The following PARD3B variants were observed in gnomAD, a reference collection of about 807,000 sequenced individuals.
The protein encoded by PARD3B is partitioning defective 3 homolog B.
PARD3B carries 103 observed loss-of-function variants against 130.2 expected under a neutral mutation model. The observed-to-expected ratio is 0.79, with a 90% CI of 0.67 to 0.93. PARD3B has a LOEUF of 0.93. PARD3B is among the 40% of genes least tolerant of loss of function. PARD3B has a pLI of 0.00. For synonymous variants in PARD3B, 583 were observed against 553.2 expected, an observed-to-expected ratio of 1.05 and a Z score of -0.76; for missense variants, 1,609 against 1,499.2, an observed-to-expected ratio of 1.07 and a Z score of -1.21.
At chr2:205,130,981 G>A (rs1161356190) in intron 10 of PARD3B, among the ~76,000 whole-genome samples, 5 of 152,058 alleles carry the variant, frequency 3.3e-5, no homozygotes, top group South Asian at 4.1e-4. Context: ...CTTAGCATGC[G>A]AGATGTGGTT....
At chr2:204,985,271 C>G (rs902658123) in intron 3 of PARD3B, among the ~76,000 whole-genome samples, 1 of 151,968 alleles carries the variant, frequency 6.6e-6, no homozygotes, top group Admixed American at 6.6e-5. Flanking sequence ...CATTAAAGCC[C>G]AAACAACAAA....
chr2:205,139,738 A>T (rs2032792802), intron 10 of PARD3B, among the ~76,000 whole-genome samples: 1 of 152,226 alleles, frequency 6.6e-6, no homozygotes, highest in Non-Finnish European at 1.5e-5. Context: ...TTGTAAAAAA[A>T]AAAACTGAGT....
chr2:205,387,461 T>C (rs1219619119), intron 18 of PARD3B, among the ~76,000 whole-genome samples: 4 of 152,218 alleles, frequency 2.6e-5, no homozygotes, highest in South Asian at 2.1e-4. Flanking sequence ...GGTGGATTTA[T>C]TGTTCTTTTA....
At chr2:205,427,362 A>C (rs2047178052) in intron 19 of PARD3B, among the ~76,000 whole-genome samples, 1 of 152,230 alleles carries the variant, frequency 6.6e-6, no homozygotes, top group Non-Finnish European at 1.5e-5. Flanking sequence ...GAAATACCCA[A>C]ATGTTCGCAA....
chr2:205,004,688 T>C (rs899574719), intron 3 of PARD3B, among the ~76,000 whole-genome samples: 1 of 152,192 alleles, frequency 6.6e-6, no homozygotes, highest in Admixed American at 6.5e-5. Context: ...TAAATTAAGA[T>C]ACATGGGGCA....
chr2:204,570,763 A>G (rs924672848), intron 1 of PARD3B, among the ~76,000 whole-genome samples: 7 of 150,244 alleles, frequency 4.7e-5, no homozygotes, highest in African/African-American at 1.7e-4. Flanking sequence ...TGAGGTGTAT[A>G]AGCTGTTGTA....
chr2:204,593,847 C>T (rs778826587), intron 1 of PARD3B, among the ~76,000 whole-genome samples: 21 of 152,314 alleles, frequency 1.4e-4, no homozygotes, highest in Middle Eastern at 3.4e-3. Flanking sequence ...TTATTAACTA[C>T]GACCAGCATC....
chr2:204,576,427 A>C (rs1331068131), intron 1 of PARD3B, among the ~76,000 whole-genome samples: 1 of 152,190 alleles, frequency 6.6e-6, no homozygotes, highest in South Asian at 2.1e-4. Flanking sequence ...AAATCAATGA[A>C]TACCCATACA....
rs569917054 is a variant in PARD3B, at chr2:205,160,070, T to C, written c.1620+1163T>C. Among the ~76,000 whole-genome samples, 1 of 152,334 alleles carries C rather than the reference T, an allele frequency of 6.6e-6. No homozygotes were observed. The highest frequency in any genetic ancestry group is 1.5e-5 in the Non-Finnish European group (1 of 68,028). ...TGTTGAAGCAACTGTCGTCTCACACTTACCCTTCCACTTTTGTTTCAGACT... is the reference window on the plus strand; with the variant it reads ...TGTTGAAGCAACTGTCGTCTCACACCTACCCTTCCACTTTTGTTTCAGACT... On this transcript the variant is annotated intron_variant, in intron 11 of 22. Transcript: ENST00000406610. This position sits in a 1 kb window ranked among gnomAD's most constrained non-coding sequence, Gnocchi z 4.0.
At chr2:205,555,361 C>T (rs1018260904) in intron 22 of PARD3B, among the ~76,000 whole-genome samples, 1 of 152,190 alleles carries the variant, frequency 6.6e-6, no homozygotes, top group Non-Finnish European at 1.5e-5. Context: ...ATCCTCAGGA[C>T]TCTACTGTTA....
intron 15 of PARD3B, among the ~76,000 whole-genome samples, chr2:205,195,829 T>TAAA (rs146274197): frequency 1.3e-5 from 2 of 150,080 alleles, no homozygotes; most frequent in South Asian, 4.2e-4. Flanking sequence ...GGTTCAAAAT[T>TAAA]TAAAAAAAAA....
At chr2:205,181,201 C>A (rs1297672529) in intron 13 of PARD3B, among the ~76,000 whole-genome samples, 1 of 152,110 alleles carries the variant, frequency 6.6e-6, no homozygotes, top group Non-Finnish European at 1.5e-5. Context: ...CTCTCTGGAT[C>A]CGTATTCCCT....
At chr2:205,112,750 C>T (rs1510769) in intron 5 of PARD3B, among the ~76,000 whole-genome samples, 4,741 of 152,236 alleles carry the variant, frequency 0.031, 235 homozygotes, top group African/African-American at 0.11. Context: ...GTCATACACA[C>T]AATCCATTAA....
At chr2:205,315,304 T>TA (rs2042526657) in intron 18 of PARD3B, among the ~76,000 whole-genome samples, 1 of 152,168 alleles carries the variant, frequency 6.6e-6, no homozygotes, top group Non-Finnish European at 1.5e-5. Context: ...ATTGAAATAA[T>TA]AGCATCTACC....
intron 2 of PARD3B, among the ~76,000 whole-genome samples, chr2:204,905,339 AGAG>A (rs2047006288): frequency 6.6e-6 from 1 of 152,166 alleles, no homozygotes; most frequent in African/African-American, 2.4e-5. Context: ...GTGGGAGAGG[AGAG>A]GAGAACCAGA....
chr2:205,486,939 A>G (rs895491874), intron 20 of PARD3B, among the ~76,000 whole-genome samples: 4 of 152,212 alleles, frequency 2.6e-5, no homozygotes, highest in Non-Finnish European at 5.9e-5. Flanking sequence ...GAATGAAAAG[A>G]ATGTAGGTGA....
chr2:204,644,932 T>C (rs1016686465), intron 1 of PARD3B, among the ~76,000 whole-genome samples: 14 of 152,294 alleles, frequency 9.2e-5, no homozygotes, highest in African/African-American at 2.9e-4. Flanking sequence ...ATTTTTTTTT[T>C]TGTTTTAGTT....
At chr2:205,438,771 A>G (rs542480746) in intron 19 of PARD3B, among the ~76,000 whole-genome samples, 177 of 152,340 alleles carry the variant, frequency 1.2e-3, no homozygotes, top group African/African-American at 4.0e-3. Context: ...TGGAAATTCA[A>G]GTTGCCGTAT....
intron 2 of PARD3B, among the ~76,000 whole-genome samples, chr2:204,715,720 G>C (rs969886216): frequency 6.6e-6 from 1 of 152,034 alleles, no homozygotes; most frequent in Admixed American, 6.6e-5. Context: ...GCCTAATTGA[G>C]GCATCTGCTT....
Sources: allele counts gnomAD v4.1 joint callset (sites outside exome capture counted in the v4.1 genomes callset), GRCh38; gene constraint gnomAD v4.1.1; non-coding constraint Gnocchi (gnomAD v3.1); transcripts MANE v1.5; gene names NCBI Gene and HGNC (gene_info 2026-07-23, HGNC 2026-07-21).